GALNT17: variants seen among roughly 807,000 people sequenced by gnomAD.
GALNT17 encodes polypeptide N-acetylgalactosaminyltransferase 17.
GALNT17 carries 29 observed loss-of-function variants against 63.7 expected under a neutral mutation model. That is an observed-to-expected ratio of 0.46 (90% CI 0.34 to 0.62). The LOEUF is 0.62. Among genes scored for constraint, GALNT17 ranks in the 20% least tolerant of loss-of-function variants. GALNT17 has a pLI of 0.01. For synonymous variants in GALNT17, 305 were observed against 318.3 expected, an observed-to-expected ratio of 0.96 and a Z score of 0.45; for missense variants, 603 against 799.6, an observed-to-expected ratio of 0.75 and a Z score of 2.97.
chr7:71,711,033 C>T (rs1003444613), intron 10 of GALNT17, 105 bp downstream of exon 10: 12 of 1,430,974 alleles, frequency 8.4e-6, no homozygotes, highest in East Asian at 2.5e-5. Flanking sequence ...AGAGCGACCC[C>T]GAACCCAGGT....
At chr7:71,361,483 T>C (rs1209441849) in intron 2 of GALNT17, among the ~76,000 whole-genome samples, 1 of 152,120 alleles carries the variant, frequency 6.6e-6, no homozygotes, top group Non-Finnish European at 1.5e-5. Context: ...AAAGTCATCT[T>C]CAATTCAGTT....
chr7:71,696,699 G>T (rs1312407635), intron 9 of GALNT17, among the ~76,000 whole-genome samples: 1 of 152,118 alleles, frequency 6.6e-6, no homozygotes, highest in African/African-American at 2.4e-5. Context: ...CCCTAAATGA[G>T]AATTAATTGT....
chr7:71,336,970 C>T (rs1446436878), intron 2 of GALNT17, among the ~76,000 whole-genome samples: 2 of 152,168 alleles, frequency 1.3e-5, no homozygotes, highest in Non-Finnish European at 2.9e-5. Context: ...ATAACCATTA[C>T]CTTTTCTTCA....
chr7:71,443,494 T>G (rs1020463162), intron 5 of GALNT17, among the ~76,000 whole-genome samples: 1 of 152,174 alleles, frequency 6.6e-6, no homozygotes, highest in Admixed American at 6.5e-5. Context: ...TCTTGCTCTA[T>G]TAGTTCATCT....
intron 1 of GALNT17, among the ~76,000 whole-genome samples, chr7:71,141,971 C>G (rs1787903110): frequency 6.8e-6 from 1 of 147,116 alleles, no homozygotes; most frequent in Non-Finnish European, 1.5e-5. Flanking sequence ...GCCTCAGTCT[C>G]CCAAAGTGCT....
At chr7:71,435,706 C>A (rs182756310) in intron 5 of GALNT17, among the ~76,000 whole-genome samples, 27 of 152,214 alleles carry the variant, frequency 1.8e-4, no homozygotes, top group African/African-American at 6.3e-4. Flanking sequence ...GGCCTTCCCC[C>A]ACCGAAGTTG....
chr7:71,592,241 G>A (rs969138187), intron 6 of GALNT17, among the ~76,000 whole-genome samples: 2 of 152,156 alleles, frequency 1.3e-5, no homozygotes, highest in South Asian at 2.1e-4. Flanking sequence ...CAGGCCAAGC[G>A]ATGCAGAGAC....
At chr7:71,693,263 T>TACACACACAC (rs761584365) in intron 9 of GALNT17, among the ~76,000 whole-genome samples, 20 of 108,892 alleles carry the variant, frequency 1.8e-4, no homozygotes, top group African/African-American at 6.9e-4. Flanking sequence ...CACACACACA[T>TACACACACAC]ACACACACAC....
intron 1 of GALNT17, among the ~76,000 whole-genome samples, chr7:71,161,069 G>T (rs1788333754): frequency 6.6e-6 from 1 of 151,858 alleles, no homozygotes; most frequent in South Asian, 2.1e-4. Flanking sequence ...TCGAACTCCT[G>T]GGCTCAAGTG....
At chr7:71,387,563 C>T (rs181402848) in intron 2 of GALNT17, among the ~76,000 whole-genome samples, 38 of 152,126 alleles carry the variant, frequency 2.5e-4, no homozygotes, top group South Asian at 2.3e-3. Flanking sequence ...TGGCCTCAAG[C>T]GACGCTCCCA....
intron 2 of GALNT17, among the ~76,000 whole-genome samples, chr7:71,359,638 C>T (rs1401984320): frequency 2.0e-5 from 3 of 151,318 alleles, no homozygotes; most frequent in Admixed American, 1.3e-4. Flanking sequence ...GGCTGGAGTG[C>T]GGTGGCACCG....
intron 4 of GALNT17, among the ~76,000 whole-genome samples, chr7:71,417,364 T>C (rs1786554460): frequency 6.6e-6 from 1 of 152,202 alleles, no homozygotes; most frequent in Non-Finnish European, 1.5e-5. Context: ...CTGGGGTCTA[T>C]TGCCATCTCG....
At chr7:71,482,075 ATGTATATGTG>A (rs1252160960) in intron 5 of GALNT17, among the ~76,000 whole-genome samples, 186 of 40,534 alleles carry the variant, frequency 4.6e-3, no homozygotes, top group African/African-American at 9.8e-3. Context: ...GTATACATAT[ATGTATATGTG>A]TGTGTGTGTG....
intron 6 of GALNT17, among the ~76,000 whole-genome samples, chr7:71,624,014 G>A (rs1482491043): frequency 6.6e-6 from 1 of 152,194 alleles, no homozygotes; most frequent in Non-Finnish European, 1.5e-5. Flanking sequence ...AAGCCAGGCA[G>A]GACAAGGCCT....
chr7:71,233,342 T>C (rs1192240385), intron 1 of GALNT17, among the ~76,000 whole-genome samples: 2 of 152,160 alleles, frequency 1.3e-5, no homozygotes, highest in African/African-American at 4.8e-5. Flanking sequence ...AGCTGGGCAG[T>C]CCCTGGATGA....
intron 5 of GALNT17, among the ~76,000 whole-genome samples, chr7:71,522,626 CAT>C (rs548553147): frequency 1.4e-4 from 22 of 152,248 alleles, no homozygotes; most frequent in African/African-American, 2.9e-4. Flanking sequence ...CCTCCCATAA[CAT>C]GTGGGAATTA....
chr7:71,416,040 C>A lies in GALNT17; in HGVS notation c.741C>A (p.Ala247=), dbSNP rs1449598084. ...ATGQVTGFFD[A]HVEFTAGWAE... ...GGCAGGTCACTGGCTTCTTTGATGCCCACGTGGAATTCACCGCTGGCTGGT... is the reference window on the plus strand; with the variant it reads ...GGCAGGTCACTGGCTTCTTTGATGCACACGTGGAATTCACCGCTGGCTGGT... The change falls in exon 4 of 11, where the codon GCC becomes GCA. Residue 247 remains alanine (A), a synonymous_variant. Transcript: ENST00000333538. 1.9e-6 allele frequency: 3 copies of A among 1,612,482 alleles called. No homozygotes were observed. The highest frequency in any genetic ancestry group is 2.5e-6 in the Non-Finnish European group (3 of 1,179,452).
intron 1 of GALNT17, among the ~76,000 whole-genome samples, chr7:71,148,846 G>A (rs1399676126): frequency 9.7e-6 from 1 of 103,474 alleles, no homozygotes; most frequent in Non-Finnish European, 1.8e-5. Context: ...AAATACAGTA[G>A]TATTATGGTA....
At chr7:71,687,450 C>T (rs554840239) in intron 9 of GALNT17, among the ~76,000 whole-genome samples, 1 of 152,330 alleles carries the variant, frequency 6.6e-6, no homozygotes, top group East Asian at 1.9e-4. Flanking sequence ...ACCCAGCAGC[C>T]TCTTGGCTTC....
Sources: gnomAD v4.1 joint callset for allele counts (sites outside exome capture counted in the v4.1 genomes callset) on GRCh38, gnomAD v4.1.1 for gene constraint, MANE v1.5 for transcripts, NCBI Gene and HGNC (gene_info 2026-07-23, HGNC 2026-07-21) for gene names.